DPYSL2: variants seen among roughly 807,000 people sequenced by gnomAD.
The protein encoded by DPYSL2 is dihydropyrimidinase-related protein 2.
A neutral mutation model predicts 69.9 loss-of-function variants in DPYSL2; 13 were observed. That is an observed-to-expected ratio of 0.19 (90% CI 0.12 to 0.30). The LOEUF (loss-of-function observed/expected upper bound fraction) is 0.30, where lower values mean the gene tolerates loss of function less well. DPYSL2 is among the 10% of genes least tolerant of loss of function. The pLI is 1.00. For missense variants in DPYSL2, 587 were observed against 918.9 expected, an observed-to-expected ratio of 0.64 and a Z score of 4.67; for synonymous variants, 326 against 359.1, an observed-to-expected ratio of 0.91 and a Z score of 1.04.
rs920630 is a variant in DPYSL2 at position 26,591,237 on chromosome 8, C to T, written c.628+7254C>T. Among the ~76,000 whole-genome samples, 4,329 of 152,314 alleles carry T rather than the reference C, an allele frequency of 0.028. 92 individuals are homozygous for T. Among genetic ancestry groups the T allele is most frequent in the Middle Eastern group, 0.071 (21 of 294 alleles). On this transcript the variant is annotated intron_variant, in intron 3 of 13. Transcript: ENST00000521913. This position sits in a 1 kb window ranked among gnomAD's most constrained non-coding sequence, Gnocchi z 5.8. ...GGTCACACAGACTATTGGGAACTTC[C>T]TGTCGATCCTGCTGGCCTGATTGAC...
chr8:26,533,917 G>T lies in DPYSL2; in HGVS notation c.354+19238G>T, dbSNP rs1387046155. Reference sequence around the variant, plus strand: ...TTAATGCAACTGAAAAGCAGGTCTGGTGAGAATGAGTAACAGTGTGGGAGG... The same window carrying T: ...TTAATGCAACTGAAAAGCAGGTCTGTTGAGAATGAGTAACAGTGTGGGAGG... On this transcript the variant is annotated intron_variant, in intron 1 of 13. Transcript: ENST00000521913. This position sits in a 1 kb window ranked among gnomAD's most constrained non-coding sequence, Gnocchi z 4.8. Among the ~76,000 whole-genome samples, 1 of 152,196 alleles carries T rather than the reference G, an allele frequency of 6.6e-6. No individual in the cohort carries two copies. The highest frequency in any genetic ancestry group is 1.5e-5 in the Non-Finnish European group (1 of 68,040).
At chr8:26,622,978 T>G (rs894530027) in intron 3 of DPYSL2, among the ~76,000 whole-genome samples, 1 of 152,230 alleles carries the variant, frequency 6.6e-6, no homozygotes, top group Non-Finnish European at 1.5e-5. Flanking sequence ...TGGTTTTTAT[T>G]TCTATTGTTG....
At chr8:26,529,730 T>A (rs1329029858) in intron 1 of DPYSL2, among the ~76,000 whole-genome samples, 2 of 39,016 alleles carry the variant, frequency 5.1e-5, no homozygotes, top group African/African-American at 8.1e-5. Flanking sequence ...TAACCGTAAT[T>A]TTTTTTTTTT....
intron 3 of DPYSL2, among the ~76,000 whole-genome samples, chr8:26,618,315 C>CTTT (rs11384905): frequency 6.9e-6 from 1 of 145,916 alleles, no homozygotes; most frequent in Non-Finnish European, 1.5e-5. Flanking sequence ...GGTTTTACGC[C>CTTT]TTTTTTTTTT....
At position 26,583,983 on chromosome 8, in the gene DPYSL2, A is replaced by G. The variant is rs1307809051; in HGVS notation, c.628A>G (p.Ile210Val). Residue 210 changes from isoleucine (I) to valine (V), a missense_variant and splice_region_variant, in exon 3 of 14, where the codon ATT (isoleucine) becomes GTT (valine). By Grantham distance (29) the Ile-to-Val change is conservative. Around this residue, in one of 3 missense-constraint regions of DPYSL2, gnomAD observed 452 missense variants for 754.3 expected, o/e 0.60. Transcript: ENST00000521913. Reference sequence around the variant, plus strand: ...CCTGGCTGGGGGAACCACTATGATCAGTAAGAAGCTTAAAAATCATCATTG... The same window carrying G: ...CCTGGCTGGGGGAACCACTATGATCGGTAAGAAGCTTAAAAATCATCATTG... ...AALAGGTTMI[I>V]DHVVPEPGTS... The G allele has an allele frequency of 6.2e-7, 1 of 1,612,724 alleles. No individual in the cohort carries two copies. Among genetic ancestry groups the G allele is most frequent in the South Asian group, 1.1e-5 (1 of 90,844 alleles).
In DPYSL2 at chr8:26,605,276, G is replaced by A. The variant is rs542958255; in HGVS notation, c.629-18867G>A. On this transcript the variant is annotated intron_variant, in intron 3 of 13. Coordinates refer to ENST00000521913, the MANE Select transcript of DPYSL2 (RefSeq NM_001197293.3). This position sits in a 1 kb window ranked among gnomAD's most constrained non-coding sequence, Gnocchi z 4.1. ...TGTAATAAGATACGAAAAATAAGAA[G>A]TAATAATAATGGGGAGAAAATATAA... Among the ~76,000 whole-genome samples the A allele has an allele frequency of 3.6e-4, 55 of 152,144 alleles. No homozygotes were observed. The highest frequency in any genetic ancestry group is 1.3e-3 in the African/African-American group (53 of 41,506).
rs746058775 is a variant in DPYSL2, at chr8:26,591,102, C to T, written c.628+7119C>T. Among the ~76,000 whole-genome samples the T allele has an allele frequency of 1.4e-4, 21 of 152,174 alleles. No individual in the cohort carries two copies. The highest frequency in any genetic ancestry group is 1.6e-4 in the Non-Finnish European group (11 of 68,032). On this transcript the variant is annotated intron_variant, in intron 3 of 13. Coordinates refer to ENST00000521913, the MANE Select transcript of DPYSL2 (RefSeq NM_001197293.3). This position sits in a 1 kb window ranked among gnomAD's most constrained non-coding sequence, Gnocchi z 5.8. ...ACTCACTGGGGTGGTGATCTTCCAC[C>T]CCTTCAGGTGCCCTCATCCCAGTTC... is the stretch of plus-strand genomic sequence containing the variant.
Position 26,597,114 on chromosome 8 carries a change from C to T in DPYSL2, c.628+13131C>T, listed in dbSNP as rs916478977. On this transcript the variant is annotated intron_variant, in intron 3 of 13. Coordinates refer to ENST00000521913, the MANE Select transcript of DPYSL2 (RefSeq NM_001197293.3). The surrounding 1 kb of genome is among the most constrained non-coding windows in gnomAD (Gnocchi z 5.2). ...GGCTGCACCCAGCATGGAAGATGCT[C>T]ACCAAGACGGTGGTATATTGGGTGT... Among the ~76,000 whole-genome samples, 2 of 152,222 alleles carry T rather than the reference C, an allele frequency of 1.3e-5. No individual in the cohort carries two copies. The highest frequency in any genetic ancestry group is 1.3e-4 in the Admixed American group (2 of 15,288).
At chr8:26,569,305 G>A (rs1331655754) in intron 1 of DPYSL2, among the ~76,000 whole-genome samples, 2 of 142,096 alleles carry the variant, frequency 1.4e-5, no homozygotes, top group African/African-American at 5.2e-5. Flanking sequence ...AGTGAGCTAT[G>A]CTCATGCCAC....
rs1801880876 is a variant in DPYSL2, at chr8:26,597,201, G to A, written c.628+13218G>A. On this transcript the variant is annotated intron_variant, in intron 3 of 13. Transcript: ENST00000521913. The surrounding 1 kb of genome is among the most constrained non-coding windows in gnomAD (Gnocchi z 5.2). ...AGATCTCCCCTTGCATCCCAGAGGGGGATTTGGAGAGCAATCAAGAGGAGT... is the reference window on the plus strand; with the variant it reads ...AGATCTCCCCTTGCATCCCAGAGGGAGATTTGGAGAGCAATCAAGAGGAGT... 6.6e-6 allele frequency among the ~76,000 whole-genome samples: 1 copy of A among 152,158 alleles called. No homozygotes were observed. Among genetic ancestry groups the A allele is most frequent in the Non-Finnish European group, 1.5e-5 (1 of 68,034 alleles).
chr8:26,515,104 C>T (rs918629682), intron 1 of DPYSL2, among the ~76,000 whole-genome samples: 1 of 152,204 alleles, frequency 6.6e-6, no homozygotes, highest in East Asian at 1.9e-4. Flanking sequence ...TGAAGGCCCG[C>T]GGCTCCCCGG....
chr8:26,622,197 T>A (rs1802508302), intron 3 of DPYSL2, among the ~76,000 whole-genome samples: 1 of 147,766 alleles, frequency 6.8e-6, no homozygotes, highest in Non-Finnish European at 1.5e-5. Flanking sequence ...TTTATTTTTG[T>A]TTTGGGTGTT....
chr8:26,630,052 T>C (rs113604948), intron 7 of DPYSL2, among the ~76,000 whole-genome samples: 3,238 of 152,344 alleles, frequency 0.021, 104 homozygotes, highest in African/African-American at 0.072. Flanking sequence ...CATACGCACA[T>C]GTGCACAGGC....
chr8:26,520,334 G>A (rs1293819037), intron 1 of DPYSL2, among the ~76,000 whole-genome samples: 1 of 152,152 alleles, frequency 6.6e-6, no homozygotes, highest in Non-Finnish European at 1.5e-5. Context: ...AAAGCCAGAG[G>A]CAGGGCCTGA....
At chr8:26,541,876 A>G (rs540295335) in intron 1 of DPYSL2, among the ~76,000 whole-genome samples, 71 of 151,606 alleles carry the variant, frequency 4.7e-4, no homozygotes, top group South Asian at 8.3e-4. Flanking sequence ...AGAAAACAAG[A>G]GTTAAAACAA....
At chr8:26,567,609 G>A (rs1174845826) in intron 1 of DPYSL2, among the ~76,000 whole-genome samples, 2 of 152,256 alleles carry the variant, frequency 1.3e-5, no homozygotes, top group African/African-American at 2.4e-5. Flanking sequence ...ACAGCCCCCA[G>A]TGGGGGCATA....
At chr8:26,607,974 G>A (rs1802142777) in intron 3 of DPYSL2, among the ~76,000 whole-genome samples, 1 of 151,646 alleles carries the variant, frequency 6.6e-6, no homozygotes, top group African/African-American at 2.4e-5. Context: ...CTACTCAAGA[G>A]GCTGAGGCAG....
At position 26,579,977 on chromosome 8, in the gene DPYSL2, A is replaced by C. The variant is rs1801453641; in HGVS notation, c.355-1992A>C. Among the ~76,000 whole-genome samples the C allele has an allele frequency of 2.7e-5, 4 of 147,932 alleles. No homozygotes were observed. The South Asian group carries it at 8.7e-4, about 32-fold the overall frequency. ...GCGCCCCCCCCCCCACACCCTTTAA[A>C]AAATCTGGTTGCATTATCATAGGAC... On this transcript the variant is annotated intron_variant, in intron 1 of 13. Transcript: ENST00000521913.
At chr8:26,612,149 A>G (rs1176826264) in intron 3 of DPYSL2, among the ~76,000 whole-genome samples, 2 of 152,244 alleles carry the variant, frequency 1.3e-5, no homozygotes, top group Non-Finnish European at 2.9e-5. Context: ...ACAGCCTGGT[A>G]GAGTGAAAAG....
Sources: gnomAD v4.1 joint callset for allele counts (sites outside exome capture counted in the v4.1 genomes callset) on GRCh38, gnomAD v4.1.1 for gene constraint, gnomAD v4.1.1 regional missense constraint, Gnocchi (gnomAD v3.1) non-coding constraint, MANE v1.5 for transcripts, NCBI Gene and HGNC (gene_info 2026-07-23, HGNC 2026-07-21) for gene names.